The following TTC13 variants were observed in gnomAD, a reference collection of about 807,000 sequenced individuals.
The protein encoded by TTC13 is tetratricopeptide repeat protein 13.
TTC13 carries 62 observed loss-of-function variants against 120.0 expected under a neutral mutation model. That is an observed-to-expected ratio of 0.52 (90% CI 0.42 to 0.64). The LOEUF is 0.64. Among genes scored for constraint, TTC13 ranks in the 30% least tolerant of loss-of-function variants. The pLI, the probability that TTC13 is intolerant of heterozygous loss-of-function variation, is 0.00. For missense variants in TTC13, 824 were observed against 1,050.2 expected, an observed-to-expected ratio of 0.78 and a Z score of 2.98; for synonymous variants, 384 against 393.5, an observed-to-expected ratio of 0.98 and a Z score of 0.28.
Position 230,916,261 on chromosome 1 carries a change from T to A in TTC13, c.2025A>T (p.Thr675=), listed in dbSNP as rs750501364. 1.2e-6 allele frequency: 2 copies of A among 1,614,222 alleles called. No homozygotes were observed. Among genetic ancestry groups the A allele is most frequent in the East Asian group, 2.2e-5 (1 of 44,892 alleles). The part of the protein sequence containing the change: ...TKTKDGFTVN[T]KVPSLKDQGK... ...CTTGGTCTTTAAGGCTGGGAACTTT[T>A]GTGTTCACGGTGAACCCATCCTTCG... The change falls in exon 18 of 23, where the codon ACA becomes ACT. Residue 675 remains threonine, a synonymous_variant. Coordinates refer to ENST00000366661, the MANE Select transcript of TTC13 (RefSeq NM_024525.5).
intron 20 of TTC13, among the ~76,000 whole-genome samples, chr1:230,909,254 A>G (rs1256133058): frequency 6.6e-6 from 1 of 152,218 alleles, no homozygotes; most frequent in Non-Finnish European, 1.5e-5. Flanking sequence ...CTGTAATCCC[A>G]GCACTTTGGG....
rs577954914 is a variant in TTC13 at position 230,978,796 on chromosome 1, A to AAGCAGCAGC, written c.26_34dup (p.Cys9_Cys11dup). ...CGCGGCGGCCACAGCGCCGCCCCAG[A>AAGCAGCAGC]AGCAGCAGCAGCAGCAGCAGCCGGC... On this transcript the variant is annotated inframe_insertion, in exon 1 of 23. Transcript: ENST00000366661. This position sits in a 1 kb window ranked among gnomAD's most constrained non-coding sequence, Gnocchi z 5.6. 4.4e-5 allele frequency: 66 copies of AAGCAGCAGC among 1,495,878 alleles called. No individual in the cohort carries two copies. Among genetic ancestry groups the AAGCAGCAGC allele is most frequent in the South Asian group, 2.1e-4 (17 of 80,154 alleles). The allele number at this position is 1,495,878 out of a possible 1,614,324, so 92.7% of individuals were successfully genotyped here.
At chr1:230,945,363 G>T (rs758256174) in intron 5 of TTC13, 26 bp downstream of exon 5, 2 of 1,606,272 alleles carry the variant, frequency 1.2e-6, no homozygotes, top group Non-Finnish European at 1.7e-6. Flanking sequence ...TAGGCGCTAT[G>T]GCAATCGTAA....
In TTC13 at chr1:230,912,661, C is replaced by T. The variant is rs767515749; in HGVS notation, c.2191G>A (p.Ala731Thr). 13 of 1,612,248 alleles carry T rather than the reference C, an allele frequency of 8.1e-6. No homozygotes were observed. In the African/African-American group the frequency reaches 1.3e-4, roughly 17 times the overall value. ...EIDALYKDLT[A>T]KGKVLILSSE... ...GAAAGAATCAATACTTTTCCTTTTG[C>T]TGTCAAATCTTTATAAAGTGCATCT... Residue 731 changes from alanine (A) to threonine (T), a missense_variant, in exon 19 of 23, where the codon GCA (alanine) becomes ACA (threonine). Around this residue, in one of 4 missense-constraint regions of TTC13, gnomAD observed 226 missense variants for 259.1 expected, o/e 0.87. Coordinates refer to ENST00000366661, the MANE Select transcript of TTC13 (RefSeq NM_024525.5).
In TTC13 at chr1:230,925,545, A is replaced by G; in HGVS notation, c.1560T>C (p.Gly520=). ...TGTGTATTCTCTTGTTTGGCAGGAAACCAGGTGTTTCATATTGCATCAGGG... is the reference window on the plus strand; with the variant it reads ...TGTGTATTCTCTTGTTTGGCAGGAAGCCAGGTGTTTCATATTGCATCAGGG... The part of the protein sequence containing the change: ...LGSLMQYETP[G]FLPNKRIHRA... The change falls in exon 13 of 23, where the codon GGT becomes GGC. Residue 520 remains glycine, a synonymous_variant. Coordinates refer to ENST00000366661, the MANE Select transcript of TTC13 (RefSeq NM_024525.5). The G allele has an allele frequency of 1.2e-6, 2 of 1,614,124 alleles. No homozygotes were observed. The highest frequency in any genetic ancestry group is 1.7e-6 in the Non-Finnish European group (2 of 1,179,990).
chr1:230,936,114 G>T (rs1674029573), intron 8 of TTC13: 1 of 452,826 alleles, frequency 2.2e-6, no homozygotes, highest in Non-Finnish European at 4.4e-6. Flanking sequence ...AGTGCTTGTG[G>T]ACAGCTAGGT....
At chr1:230,910,336 C>A (rs574399801) in intron 20 of TTC13, among the ~76,000 whole-genome samples, 115 of 152,324 alleles carry the variant, frequency 7.5e-4, no homozygotes, top group Non-Finnish European at 1.2e-3. Context: ...GAGAGCGGTG[C>A]TGCAGCCAAG....
chr1:230,936,085 CG>C, intron 8 of TTC13: 1 of 432,572 alleles, frequency 2.3e-6, no homozygotes, highest in South Asian at 1.7e-5. Flanking sequence ...ACGAGCCCAT[CG>C]GGGCGTGTTA....
intron 16 of TTC13, 58 bp from the exon 17 acceptor site, chr1:230,920,652 A>G (rs1160036871): frequency 2.9e-6 from 3 of 1,029,142 alleles, no homozygotes; most frequent in Non-Finnish European, 4.1e-6. Context: ...GTAATAATTA[A>G]TCATGCAATT....
intron 13 of TTC13, 34 bp downstream of exon 13, chr1:230,925,483 G>A: frequency 6.2e-7 from 1 of 1,611,782 alleles, no homozygotes; most frequent in Middle Eastern, 1.7e-4. Flanking sequence ...CTTATGCCAG[G>A]AATATTTTCA....
At chr1:230,935,401 G>T (rs1209406090) in intron 8 of TTC13, among the ~76,000 whole-genome samples, 1 of 152,210 alleles carries the variant, frequency 6.6e-6, no homozygotes, top group Non-Finnish European at 1.5e-5. Context: ...TGAAGAGAAA[G>T]AAATCACTAA....
At chr1:230,974,601 T>C (rs956241078) in intron 1 of TTC13, among the ~76,000 whole-genome samples, 17 of 152,204 alleles carry the variant, frequency 1.1e-4, no homozygotes, top group African/African-American at 3.9e-4. Flanking sequence ...AAGTACACTC[T>C]TTGATGTTTG....
rs533427080 is a variant in TTC13 at position 230,977,196 on chromosome 1, T to C, written c.271+1364A>G. ...TTATTGTTTTTCTGATAGACTAATA[T>C]ACTAGGCTCATAGACCTAAAGCACT... On this transcript the variant is annotated intron_variant, in intron 1 of 22. Coordinates refer to ENST00000366661, the MANE Select transcript of TTC13 (RefSeq NM_024525.5). 7.2e-5 allele frequency among the ~76,000 whole-genome samples: 11 copies of C among 152,326 alleles called. 1 individual carries two copies. Among genetic ancestry groups the C allele is most frequent in the African/African-American group, 2.4e-4 (10 of 41,564 alleles).
intron 8 of TTC13, chr1:230,936,258 C>T: frequency 2.2e-6 from 1 of 456,234 alleles, no homozygotes; most frequent in Non-Finnish European, 4.4e-6. Context: ...CAGCTCTCTA[C>T]CTCATTCTGC....
chr1:230,908,334 C>T (rs776711382), intron 22 of TTC13: 4 of 449,266 alleles, frequency 8.9e-6, no homozygotes, highest in Non-Finnish European at 1.3e-5. Context: ...ACTACAGGCA[C>T]ACACCACCAT....
At chr1:230,932,915 A>T (rs1020532454) in intron 9 of TTC13, among the ~76,000 whole-genome samples, 2 of 152,218 alleles carry the variant, frequency 1.3e-5, no homozygotes, top group African/African-American at 4.8e-5. Flanking sequence ...CCAAGGCAGA[A>T]CTAAGTCATG....
At chr1:230,967,933 C>T (rs1028906120) in intron 1 of TTC13, among the ~76,000 whole-genome samples, 3 of 152,162 alleles carry the variant, frequency 2.0e-5, no homozygotes, top group South Asian at 2.1e-4. Flanking sequence ...TGTGTGAAAA[C>T]GCATCACAGA....
At chr1:230,965,792 T>C (rs1358286120) in intron 1 of TTC13, among the ~76,000 whole-genome samples, 3 of 151,964 alleles carry the variant, frequency 2.0e-5, no homozygotes, top group Non-Finnish European at 4.4e-5. Context: ...AACACAGGCA[T>C]GCACCACCAC....
At chr1:230,955,716 G>A (rs759688456) in intron 3 of TTC13, among the ~76,000 whole-genome samples, 2 of 148,470 alleles carry the variant, frequency 1.3e-5, no homozygotes, top group Non-Finnish European at 3.0e-5. Context: ...AAACAGAAAC[G>A]AAATGCAGGA....
Sources: allele counts gnomAD v4.1 joint callset (sites outside exome capture counted in the v4.1 genomes callset), GRCh38; gene constraint gnomAD v4.1.1; regional missense constraint gnomAD v4.1.1; non-coding constraint Gnocchi (gnomAD v3.1); transcripts MANE v1.5; gene names NCBI Gene and HGNC (gene_info 2026-07-23, HGNC 2026-07-21).